The following TENM4 variants were observed in gnomAD, a reference collection of about 807,000 sequenced individuals.
TENM4 encodes teneurin transmembrane protein 4.
TENM4 carries 82 observed loss-of-function variants against 243.3 expected under a neutral mutation model. The observed-to-expected ratio is 0.34, with a 90% confidence interval of 0.28 to 0.40. TENM4 has a LOEUF of 0.40. TENM4 is among the 10% of genes least tolerant of loss of function. The pLI, the probability that TENM4 is intolerant of heterozygous loss-of-function variation, is 1.00. For synonymous variants in TENM4, 1,412 were observed against 1,456.3 expected (o/e 0.97, Z 0.69); for missense variants, 3,138 against 3,673.3 (o/e 0.85, Z 3.77).
intron 1 of TENM4, among the ~76,000 whole-genome samples, chr11:79,397,416 T>C (rs1858367917): frequency 6.6e-6 from 1 of 152,136 alleles, no homozygotes; most frequent in African/African-American, 2.4e-5. Flanking sequence ...TCTGAGTGAC[T>C]CAAAGCCTGC....
chr11:79,276,492 G>T (rs995845481), intron 2 of TENM4, among the ~76,000 whole-genome samples: 1 of 151,640 alleles, frequency 6.6e-6, no homozygotes, highest in Non-Finnish European at 1.5e-5. Flanking sequence ...GGAGGGGGGT[G>T]GGAGAATGTG....
chr11:78,891,437 G>C (rs534609865), intron 7 of TENM4, 101 bp from the exon 8 acceptor site: 1 of 1,061,590 alleles, frequency 9.4e-7, no homozygotes, highest in Non-Finnish European at 1.4e-6. Flanking sequence ...AGCTGTGTGC[G>C]TAAGACCAGC....
chr11:79,213,080 G>A (rs537392391), intron 3 of TENM4, among the ~76,000 whole-genome samples: 1 of 152,286 alleles, frequency 6.6e-6, no homozygotes, highest in African/African-American at 2.4e-5. Flanking sequence ...TAATGTCTGT[G>A]CCATGTGGTG....
chr11:78,703,013 A>G (rs978768119), intron 27 of TENM4, among the ~76,000 whole-genome samples: 2 of 152,242 alleles, frequency 1.3e-5, no homozygotes, highest in Non-Finnish European at 2.9e-5. Context: ...CAAGCTAACC[A>G]TGGCCTCTGT....
chr11:79,065,962 G>A (rs1860235080), intron 5 of TENM4, among the ~76,000 whole-genome samples: 1 of 152,212 alleles, frequency 6.6e-6, no homozygotes, highest in African/African-American at 2.4e-5. Flanking sequence ...GGAAGAGGGA[G>A]TATACAAAGT....
At chr11:79,156,958 G>A (rs1170803326) in intron 3 of TENM4, among the ~76,000 whole-genome samples, 1 of 152,102 alleles carries the variant, frequency 6.6e-6, no homozygotes, top group Admixed American at 6.5e-5. Flanking sequence ...GGCAGGAGTG[G>A]GGACCCTCTC....
intron 1 of TENM4, among the ~76,000 whole-genome samples, chr11:79,336,477 T>C (rs1406655237): frequency 6.6e-6 from 1 of 152,172 alleles, no homozygotes; most frequent in African/African-American, 2.4e-5. Context: ...GACTATGCAA[T>C]AGCCAGCACA....
intron 6 of TENM4, among the ~76,000 whole-genome samples, chr11:78,911,313 T>G (rs1038187886): frequency 6.6e-6 from 1 of 152,188 alleles, no homozygotes; most frequent in Non-Finnish European, 1.5e-5. Context: ...AAACAGCTAC[T>G]GTAAGACTTT....
chr11:78,989,421 C>A (rs1027113048), intron 6 of TENM4, among the ~76,000 whole-genome samples: 4 of 152,180 alleles, frequency 2.6e-5, no homozygotes, highest in Non-Finnish European at 5.9e-5. Context: ...CTGCTGTTTA[C>A]TTTTTGTTTA....
At chr11:78,693,498 T>C (rs896107179) in intron 28 of TENM4, among the ~76,000 whole-genome samples, 1 of 152,196 alleles carries the variant, frequency 6.6e-6, no homozygotes, top group Non-Finnish European at 1.5e-5. Context: ...GAAAACACTG[T>C]TTTCCCAAGT....
intron 16 of TENM4, among the ~76,000 whole-genome samples, chr11:78,786,267 C>G (rs560608403): frequency 6.6e-6 from 1 of 152,202 alleles, no homozygotes; most frequent in Non-Finnish European, 1.5e-5. Context: ...AAGCTGAGGA[C>G]GGGGGAAGAT....
intron 9 of TENM4, among the ~76,000 whole-genome samples, chr11:78,865,253 T>A (rs993965483): frequency 1.3e-5 from 2 of 152,176 alleles, no homozygotes; most frequent in Non-Finnish European, 2.9e-5. Context: ...ATTTTACAGA[T>A]GGAGAAACTA....
At chr11:79,179,637 G>T (rs929763292) in intron 3 of TENM4, among the ~76,000 whole-genome samples, 4 of 151,698 alleles carry the variant, frequency 2.6e-5, no homozygotes, top group African/African-American at 9.7e-5. Flanking sequence ...ATGAGTCATG[G>T]ATGTAATTTA....
chr11:78,964,400 C>T (rs1241575879), intron 6 of TENM4, among the ~76,000 whole-genome samples: 2 of 152,128 alleles, frequency 1.3e-5, no homozygotes, highest in African/African-American at 4.8e-5. Context: ...CAACATTTTA[C>T]AGAGTTGATG....
In TENM4 at chr11:79,153,896, T is replaced by G. The variant is rs1938941; in HGVS notation, c.-162-5090A>C. ...CAATTCTTAGTGATCTTAGGTAAGG[T>G]AAGTCATCCATTTTGGAAGGACTTC... On this transcript the variant is annotated intron_variant, in intron 3 of 33. Coordinates refer to ENST00000278550, the MANE Select transcript of TENM4 (RefSeq NM_001098816.3). 2.3e-3 allele frequency among the ~76,000 whole-genome samples: 346 copies of G among 152,246 alleles called. 2 individuals are homozygous for G. Among genetic ancestry groups the G allele is most frequent in the African/African-American group, 8.2e-3 (339 of 41,538 alleles).
chr11:79,006,547 C>T (rs754161308), intron 6 of TENM4, among the ~76,000 whole-genome samples: 12 of 151,926 alleles, frequency 7.9e-5, no homozygotes, highest in Middle Eastern at 3.2e-3. Flanking sequence ...GAGGTGTAGA[C>T]GTGATTCTCT....
At chr11:79,268,545 C>T (rs1405062374) in intron 2 of TENM4, among the ~76,000 whole-genome samples, 1 of 152,070 alleles carries the variant, frequency 6.6e-6, no homozygotes, top group African/African-American at 2.4e-5. Flanking sequence ...TACCTATTCA[C>T]AAAATTGTAT....
chr11:79,252,012 T>C (rs11237774), intron 2 of TENM4, among the ~76,000 whole-genome samples: 49,073 of 151,664 alleles, frequency 0.32, 8,809 homozygotes, highest in East Asian at 0.58. Flanking sequence ...ATACAACTAA[T>C]GGAAATTTCA....
At chr11:78,748,253 C>T (rs889744175) in intron 19 of TENM4, among the ~76,000 whole-genome samples, 34 of 152,204 alleles carry the variant, frequency 2.2e-4, no homozygotes, top group Admixed American at 1.9e-3. Flanking sequence ...AAGTGTTTTA[C>T]ATGTGCTAAC....
Sources: allele counts gnomAD v4.1 joint callset (sites outside exome capture counted in the v4.1 genomes callset), GRCh38; gene constraint gnomAD v4.1.1; transcripts MANE v1.5; gene names NCBI Gene and HGNC (gene_info 2026-07-23, HGNC 2026-07-21).